MAPK8: variants seen among roughly 807,000 people sequenced by gnomAD.
MAPK8 encodes the protein mitogen-activated protein kinase 8.
A neutral mutation model predicts 52.9 loss-of-function variants in MAPK8; 13 were observed. The observed-to-expected ratio is 0.25, with a 90% CI of 0.16 to 0.39. The LOEUF (loss-of-function observed/expected upper bound fraction) is 0.39, where lower values mean the gene tolerates loss of function less well. MAPK8 is among the 10% of genes least tolerant of loss of function. The pLI is 1.00. For synonymous variants in MAPK8, 191 were observed against 169.8 expected (o/e 1.12, Z -0.97); for missense variants, 300 against 519.2 (o/e 0.58, Z 4.10).
chr10:48,368,755 G>C (rs1848290835), intron 1 of MAPK8, among the ~76,000 whole-genome samples: 1 of 152,180 alleles, frequency 6.6e-6, no homozygotes, highest in African/African-American at 2.4e-5. Flanking sequence ...GTGACCCAGA[G>C]GATTCAGCAT....
intron 1 of MAPK8, among the ~76,000 whole-genome samples, chr10:48,398,731 A>G (rs2042013083): frequency 6.6e-6 from 1 of 152,212 alleles, no homozygotes; most frequent in African/African-American, 2.4e-5. Context: ...GATGAATCTC[A>G]AAATCATTAG....
At chr10:48,330,908 A>G (rs749523824) in intron 1 of MAPK8, among the ~76,000 whole-genome samples, 2 of 152,130 alleles carry the variant, frequency 1.3e-5, no homozygotes, top group Non-Finnish European at 2.9e-5. Context: ...TGCATGAGCC[A>G]TGCAATTTGT....
chr10:48,325,842 C>G (rs565848399), intron 1 of MAPK8: 3 of 152,190 alleles, frequency 2.0e-5, no homozygotes, highest in African/African-American at 7.2e-5. Flanking sequence ...CTTGACTGCT[C>G]AAATATTTTG....
At chr10:48,394,019 T>G (rs1202572579) in intron 1 of MAPK8, among the ~76,000 whole-genome samples, 1 of 151,922 alleles carries the variant, frequency 6.6e-6, no homozygotes, top group African/African-American at 2.4e-5. Context: ...AGACATTAAA[T>G]TGGACAACTT....
chr10:48,422,006 C>CTTTAT (rs1554834979), intron 6 of MAPK8, among the ~76,000 whole-genome samples: 1 of 143,882 alleles, frequency 7.0e-6, no homozygotes, highest in African/African-American at 2.6e-5. Context: ...TTTTATTTAT[C>CTTTAT]TTATTTATTT....
At chr10:48,321,849 T>C (rs1194179109) in intron 1 of MAPK8, among the ~76,000 whole-genome samples, 1 of 152,238 alleles carries the variant, frequency 6.6e-6, no homozygotes, top group East Asian at 1.9e-4. Context: ...TCCATTGATC[T>C]ATGTGTCTAT....
At chr10:48,312,634 T>A (rs1294334533) in intron 1 of MAPK8, among the ~76,000 whole-genome samples, 1 of 152,236 alleles carries the variant, frequency 6.6e-6, no homozygotes, top group South Asian at 2.1e-4. Flanking sequence ...GAAGGATGGC[T>A]TTCTGATTTT....
chr10:48,401,917 A>G (rs1428530872), intron 2 of MAPK8, 135 bp downstream of exon 2: 2 of 633,966 alleles, frequency 3.2e-6, no homozygotes, highest in Non-Finnish European at 4.8e-6. Context: ...AACGAAAACT[A>G]TTCCACAGTA....
At chr10:48,374,348 G>A (rs1487420680) in intron 1 of MAPK8, among the ~76,000 whole-genome samples, 2 of 151,992 alleles carry the variant, frequency 1.3e-5, no homozygotes, top group Non-Finnish European at 2.9e-5. Flanking sequence ...AGAAGCAAGA[G>A]CAAACAAATT....
chr10:48,419,894 A>G (rs1385261988), intron 5 of MAPK8, among the ~76,000 whole-genome samples: 1 of 152,228 alleles, frequency 6.6e-6, no homozygotes, highest in Non-Finnish European at 1.5e-5. Context: ...TACTCTAACC[A>G]AAAATGTCTA....
rs577844736 is a variant in MAPK8 at position 48,414,773 on chromosome 10, G to T, written c.450+4605G>T. On this transcript the variant is annotated intron_variant, in intron 5 of 11. Transcript: ENST00000374189. The stretch of plus-strand genomic sequence containing the variant: ...ATTTTTTATTTTTTTGTAGAGACGG[G>T]GTCTTGCCATATTGCCCAGGCTGGT... 4.0e-5 allele frequency among the ~76,000 whole-genome samples: 6 copies of T among 151,598 alleles called. No homozygotes were observed. In the South Asian group the frequency reaches 1.0e-3, roughly 26 times the overall value.
intron 1 of MAPK8, among the ~76,000 whole-genome samples, chr10:48,334,649 T>G (rs1348324419): frequency 6.6e-6 from 1 of 152,096 alleles, no homozygotes; most frequent in Non-Finnish European, 1.5e-5. Flanking sequence ...CTAAATCGGG[T>G]GAGATTCATC....
chr10:48,333,692 C>T (rs1033374638), intron 1 of MAPK8, among the ~76,000 whole-genome samples: 6 of 148,418 alleles, frequency 4.0e-5, no homozygotes, highest in South Asian at 2.2e-4. Flanking sequence ...GGTGGGGACA[C>T]GGGGCAGAGC....
chr10:48,420,431 A>C, intron 6 of MAPK8, 111 bp downstream of exon 6: 1 of 1,017,898 alleles, frequency 9.8e-7, no homozygotes, highest in Non-Finnish European at 1.4e-6. Flanking sequence ...AATGTGTATC[A>C]TTGTTTGAAA....
intron 1 of MAPK8, among the ~76,000 whole-genome samples, chr10:48,334,115 G>A (rs1844428596): frequency 6.6e-6 from 1 of 152,206 alleles, no homozygotes; most frequent in Admixed American, 6.5e-5. Flanking sequence ...AGAGCTGCAG[G>A]ACGGCTCCAC....
At chr10:48,344,276 T>C (rs1258806352) in intron 1 of MAPK8, among the ~76,000 whole-genome samples, 2 of 152,238 alleles carry the variant, frequency 1.3e-5, no homozygotes, top group Non-Finnish European at 2.9e-5. Context: ...TTTTTCTATA[T>C]GCATTTTTAA....
intron 6 of MAPK8, among the ~76,000 whole-genome samples, chr10:48,422,274 C>T (rs1048882135): frequency 6.6e-6 from 1 of 152,082 alleles, no homozygotes; most frequent in Non-Finnish European, 1.5e-5. Context: ...TTAGGTGATC[C>T]ACCTGCCTCA....
At chr10:48,428,103 GTC>G (rs1456129383) in intron 10 of MAPK8, among the ~76,000 whole-genome samples, 1 of 152,196 alleles carries the variant, frequency 6.6e-6, no homozygotes, top group African/African-American at 2.4e-5. Flanking sequence ...TTATATAGGA[GTC>G]TCTCTTTGCC....
At chr10:48,328,181 T>A (rs1327276175) in intron 1 of MAPK8, among the ~76,000 whole-genome samples, 1 of 152,164 alleles carries the variant, frequency 6.6e-6, no homozygotes, top group Non-Finnish European at 1.5e-5. Flanking sequence ...CATGCCCAGC[T>A]AATTTTTGTA....
Sources: gnomAD v4.1 joint callset for allele counts (sites outside exome capture counted in the v4.1 genomes callset) on GRCh38, gnomAD v4.1.1 for gene constraint, MANE v1.5 for transcripts, NCBI Gene and HGNC (gene_info 2026-07-23, HGNC 2026-07-21) for gene names.